The following SLC26A5 variants were observed in gnomAD, a reference collection of about 807,000 sequenced individuals.
SLC26A5 encodes prestin.
In SLC26A5, 51 loss-of-function variants were observed where a neutral mutation model predicts 81.0. The observed-to-expected ratio is 0.63, with a 90% CI of 0.50 to 0.80. The LOEUF is 0.80. SLC26A5 is among the 30% of genes least tolerant of loss of function. The pLI is 0.00. For missense variants in SLC26A5, 771 were observed against 905.8 expected (o/e 0.85, Z 1.91); for synonymous variants, 325 against 332.8 (o/e 0.98, Z 0.25).
intron 1 of SLC26A5, chr7:103,445,399 T>C (rs1187736298): frequency 6.6e-6 from 1 of 152,194 alleles, no homozygotes; most frequent in African/African-American, 2.4e-5. Flanking sequence ...GCCGCGAGCT[T>C]CGAGAGTTCA....
chr7:103,444,662 A>C (rs1487054606), intron 1 of SLC26A5, among the ~76,000 whole-genome samples: 1 of 152,246 alleles, frequency 6.6e-6, no homozygotes, highest in African/African-American at 2.4e-5. Context: ...AACTCTGTAT[A>C]GTTTCAGAGT....
At chr7:103,386,030 C>G (rs550192476) in intron 14 of SLC26A5, among the ~76,000 whole-genome samples, 1 of 151,078 alleles carries the variant, frequency 6.6e-6, no homozygotes, top group Non-Finnish European at 1.5e-5. Flanking sequence ...CAGGTTTAAG[C>G]GATTCTCCTG....
intron 18 of SLC26A5, 121 bp downstream of exon 18, chr7:103,377,478 C>T (rs1219249351): frequency 3.2e-6 from 3 of 931,020 alleles, no homozygotes; most frequent in South Asian, 1.4e-5. Flanking sequence ...TTGAAATTTT[C>T]CATAATCAAA....
chr7:103,420,913 A>C, intron 3 of SLC26A5, 36 bp from the exon 4 acceptor site: 1 of 1,572,992 alleles, frequency 6.4e-7, no homozygotes, highest in Non-Finnish European at 8.7e-7. Flanking sequence ...TAAAGTTATA[A>C]ATGAGAAACA....
chr7:103,430,369 G>T (rs1337030409), intron 2 of SLC26A5, among the ~76,000 whole-genome samples: 1 of 152,170 alleles, frequency 6.6e-6, no homozygotes, highest in African/African-American at 2.4e-5. Flanking sequence ...GTGAGCCAAC[G>T]CGCCCAGCCA....
At chr7:103,441,156 G>A (rs536812408) in intron 2 of SLC26A5, among the ~76,000 whole-genome samples, 2 of 152,268 alleles carry the variant, frequency 1.3e-5, no homozygotes, top group African/African-American at 2.4e-5. Flanking sequence ...CCTGGTAACC[G>A]ACGTGCCTCT....
At chr7:103,440,120 T>C (rs1826768607) in intron 2 of SLC26A5, among the ~76,000 whole-genome samples, 1 of 152,218 alleles carries the variant, frequency 6.6e-6, no homozygotes, top group African/African-American at 2.4e-5. Flanking sequence ...TCTTCCCCTC[T>C]TCATAAGAAT....
chr7:103,391,492 C>A (rs1294223732), intron 11 of SLC26A5, 130 bp downstream of exon 11: 3 of 749,400 alleles, frequency 4.0e-6, no homozygotes, highest in Non-Finnish European at 7.1e-6. Flanking sequence ...TTCTCTGATT[C>A]CCTACACAGC....
intron 2 of SLC26A5, among the ~76,000 whole-genome samples, chr7:103,437,598 GCC>G (rs1826545319): frequency 6.6e-6 from 1 of 152,186 alleles, no homozygotes; most frequent in Admixed American, 6.5e-5. Context: ...ATATGATTCA[GCC>G]TTAAAAAAGA....
intron 2 of SLC26A5, among the ~76,000 whole-genome samples, chr7:103,442,044 C>T (rs975918193): frequency 1.3e-5 from 2 of 152,192 alleles, no homozygotes; most frequent in African/African-American, 4.8e-5. Context: ...ATTCTCAATC[C>T]TGACTGGACA....
intron 14 of SLC26A5, 104 bp from the exon 15 acceptor site, chr7:103,380,653 G>A (rs982158891): frequency 1.2e-5 from 12 of 988,870 alleles, no homozygotes; most frequent in Admixed American, 3.6e-5. Context: ...TGGTGCATTT[G>A]GGAATGCTTG....
chr7:103,400,424 T>C (rs1035351795), intron 8 of SLC26A5, among the ~76,000 whole-genome samples: 1 of 152,246 alleles, frequency 6.6e-6, no homozygotes, highest in African/African-American at 2.4e-5. Flanking sequence ...GGTTGTTTTT[T>C]TCTTGTAAAT....
intron 2 of SLC26A5, among the ~76,000 whole-genome samples, chr7:103,440,896 C>T (rs1826824704): frequency 1.3e-5 from 2 of 152,044 alleles, no homozygotes; most frequent in South Asian, 4.1e-4. Context: ...TAAGTCAGGC[C>T]CTGGGATTGG....
chr7:103,421,451 T>C lies in SLC26A5; in HGVS notation c.64A>G (p.Ile22Val), dbSNP rs769392775. The C allele has an allele frequency of 3.1e-6, 5 of 1,613,928 alleles. No individual in the cohort carries two copies. Among genetic ancestry groups the C allele is most frequent in the South Asian group, 1.1e-5 (1 of 91,086 alleles). ...TCCTGGAGGACCGGATGACTAAAGATAGGCCTTTCCACATAGTACCTCTGG... is the reference window on the plus strand; with the variant it reads ...TCCTGGAGGACCGGATGACTAAAGACAGGCCTTTCCACATAGTACCTCTGG... The part of the protein sequence containing the change: ...ATQRYYVERP[I>V]FSHPVLQERL... The change falls in exon 3 of 20, where the codon ATC becomes GTC. Residue 22 changes from isoleucine to valine, a missense_variant. Transcript: ENST00000306312.
intron 19 of SLC26A5, among the ~76,000 whole-genome samples, chr7:103,360,830 G>A (rs1453492395): frequency 2.0e-5 from 3 of 152,198 alleles, no homozygotes; most frequent in Admixed American, 2.0e-4. Context: ...AGCTTCTACT[G>A]GCCGGGTGCA....
Position 103,355,075 on chromosome 7 carries a change from G to C in SLC26A5, c.2042-2149C>G, listed in dbSNP as rs182631890. The C allele has an allele frequency of 7.2e-6, 5 of 695,518 alleles. No individual in the cohort carries two copies. In the Admixed American group the frequency reaches 7.4e-5, roughly 10 times the overall value. 43.1% of individuals were successfully genotyped at this position (695,518 alleles called of 1,614,324 possible). A position where few individuals can be genotyped will look rare whatever the true frequency, so the allele number is the denominator to read the frequency against. On this transcript the variant is annotated intron_variant, in intron 19 of 19. Coordinates refer to the SLC26A5 transcript ENST00000339444. ...AAAAAAATCATTATTCTTCCTTTCTGTTAAGAAATTAGATCTCATTTAACC... is the reference window on the plus strand; with the variant it reads ...AAAAAAATCATTATTCTTCCTTTCTCTTAAGAAATTAGATCTCATTTAACC...
chr7:103,439,692 C>T (rs1169591742), intron 2 of SLC26A5, among the ~76,000 whole-genome samples: 2 of 152,126 alleles, frequency 1.3e-5, no homozygotes, highest in Non-Finnish European at 2.9e-5. Context: ...CGCAACCATG[C>T]CCACCTAATT....
chr7:103,427,382 C>T (rs1825777473), intron 2 of SLC26A5, among the ~76,000 whole-genome samples: 1 of 152,008 alleles, frequency 6.6e-6, no homozygotes, highest in African/African-American at 2.4e-5. Flanking sequence ...CTGGCCTCAT[C>T]ATAGATTTTA....
rs1243710862 is a variant in SLC26A5, at chr7:103,412,997, T to C, written c.403+5A>G. ...GGTAATAGAATATCAAATGTAAGCT[T>C]TTACCTATGGATATGTGTCTGGAGG... is the stretch of plus-strand genomic sequence containing the variant. On this transcript the variant is annotated splice_donor_5th_base_variant and intron_variant, in intron 5 of 19. Coordinates refer to ENST00000306312, the MANE Select transcript of SLC26A5 (RefSeq NM_198999.3). 1 of 1,568,500 alleles carries C rather than the reference T, an allele frequency of 6.4e-7. No homozygotes were observed. Among genetic ancestry groups the C allele is most frequent in the South Asian group, 1.1e-5 (1 of 90,128 alleles).
Sources: allele counts gnomAD v4.1 joint callset (sites outside exome capture counted in the v4.1 genomes callset), GRCh38; gene constraint gnomAD v4.1.1; transcripts MANE v1.5; gene names NCBI Gene and HGNC (gene_info 2026-07-23, HGNC 2026-07-21).